NELL1: variants seen among roughly 807,000 people sequenced by gnomAD.
The protein encoded by NELL1 is neural EGFL like 1, also known as protein kinase C-binding protein NELL1.
Under a neutral mutation model 107.4 loss-of-function variants are expected in NELL1, and 76 were observed. The observed-to-expected ratio is 0.71, with a 90% confidence interval of 0.59 to 0.86. NELL1 has a LOEUF of 0.86. Ranked by LOEUF, NELL1 falls within the 40% of genes least tolerant of loss-of-function variation. The probability of loss-of-function intolerance (pLI) is 0.00; values close to 1 mark genes in which losing one functional copy is unlikely to be tolerated. For synonymous variants in NELL1, 353 were observed against 341.2 expected (o/e 1.03, Z -0.38); for missense variants, 1,024 against 1,005.5 (o/e 1.02, Z -0.25).
chr11:21,221,307 A>G (rs974766301), intron 13 of NELL1, among the ~76,000 whole-genome samples: 3 of 152,126 alleles, frequency 2.0e-5, no homozygotes, highest in Non-Finnish European at 2.9e-5. Flanking sequence ...GGATTTTTGC[A>G]TCTGTATTAA....
At chr11:21,099,275 A>G (rs1451402707) in intron 12 of NELL1, among the ~76,000 whole-genome samples, 1 of 151,890 alleles carries the variant, frequency 6.6e-6, no homozygotes, top group Non-Finnish European at 1.5e-5. Context: ...ATCCCATGGC[A>G]TAGTCCAAGG....
intron 12 of NELL1, among the ~76,000 whole-genome samples, chr11:20,969,666 G>A (rs57475293): frequency 0.17 from 25,302 of 150,738 alleles, 2,499 homozygotes; most frequent in East Asian, 0.25. Flanking sequence ...ATGTAGTAAA[G>A]AACAAAGCAA....
Position 21,173,481 on chromosome 11 carries a change from T to G in NELL1, c.1427-55851T>G, listed in dbSNP as rs190274095. 2.0e-5 allele frequency among the ~76,000 whole-genome samples: 3 copies of G among 151,998 alleles called. No individual in the cohort carries two copies. In the East Asian group the frequency reaches 5.8e-4, roughly 29 times the overall value. On this transcript the variant is annotated intron_variant, in intron 13 of 19. Coordinates refer to ENST00000357134, the MANE Select transcript of NELL1 (RefSeq NM_006157.5). ...TTTTTCTTTCCTATCAGAACACTCT[T>G]AAACTTTAATACCCACCTTTTTCAT...
At position 21,183,373 on chromosome 11, in the gene NELL1, A is replaced by G. The variant is rs553066664; in HGVS notation, c.1427-45959A>G. ...ACATTTAAATGTAGATTTTCTTTTA[A>G]AATTACTTTTACAGGTTTCAGAACA... On this transcript the variant is annotated intron_variant, in intron 13 of 19. Coordinates refer to ENST00000357134, the MANE Select transcript of NELL1 (RefSeq NM_006157.5). 1.5e-3 allele frequency among the ~76,000 whole-genome samples: 224 copies of G among 152,044 alleles called. 5 individuals are homozygous for G. The highest frequency in any genetic ancestry group is 5.3e-3 in the African/African-American group (219 of 41,296).
At chr11:20,977,747 C>A (rs1476921624) in intron 12 of NELL1, among the ~76,000 whole-genome samples, 7 of 152,168 alleles carry the variant, frequency 4.6e-5, no homozygotes, top group African/African-American at 1.7e-4. Flanking sequence ...ACCAGCCTTG[C>A]CTGGCACATA....
intron 15 of NELL1, among the ~76,000 whole-genome samples, chr11:21,410,339 A>C (rs1852345078): frequency 6.6e-6 from 1 of 152,038 alleles, no homozygotes; most frequent in South Asian, 2.1e-4. Flanking sequence ...TACATTGCCA[A>C]CTGAGGGAAT....
chr11:20,720,756 T>G (rs1045514863), intron 2 of NELL1, among the ~76,000 whole-genome samples: 4 of 152,100 alleles, frequency 2.6e-5, no homozygotes, highest in African/African-American at 9.7e-5. Flanking sequence ...TAAGTGGATC[T>G]CTATGTTCAA....
At chr11:20,995,428 A>G (rs1852068639) in intron 12 of NELL1, among the ~76,000 whole-genome samples, 2 of 151,994 alleles carry the variant, frequency 1.3e-5, no homozygotes, top group Non-Finnish European at 2.9e-5. Flanking sequence ...AATATAAAAA[A>G]TTAGCCGCAC....
intron 12 of NELL1, among the ~76,000 whole-genome samples, chr11:20,994,814 A>G (rs1239157703): frequency 6.6e-6 from 1 of 152,234 alleles, no homozygotes; most frequent in Non-Finnish European, 1.5e-5. Context: ...TTATATGAAA[A>G]TGAATTTTAA....
At chr11:21,528,777 G>A (rs2133964746) in intron 15 of NELL1, among the ~76,000 whole-genome samples, 2 of 152,190 alleles carry the variant, frequency 1.3e-5, no homozygotes, top group African/African-American at 4.8e-5. Context: ...AACAGAATCA[G>A]AATTCAAACT....
chr11:21,139,059 G>A (rs529141957), intron 13 of NELL1, among the ~76,000 whole-genome samples: 3 of 152,284 alleles, frequency 2.0e-5, no homozygotes, highest in African/African-American at 7.2e-5. Flanking sequence ...CAAAAGTTTG[G>A]TGTGTAATAA....
At chr11:20,744,388 A>ATCTC (rs1855956728) in intron 2 of NELL1, among the ~76,000 whole-genome samples, 1 of 152,250 alleles carries the variant, frequency 6.6e-6, no homozygotes, top group Non-Finnish European at 1.5e-5. Context: ...TCACTGTCTG[A>ATCTC]ACATGCTATA....
intron 4 of NELL1, among the ~76,000 whole-genome samples, chr11:20,868,841 C>T (rs984451817): frequency 2.6e-5 from 4 of 151,834 alleles, no homozygotes; most frequent in Admixed American, 1.3e-4. Flanking sequence ...GGCAAAAAGA[C>T]CTCACAAAGG....
At chr11:21,012,778 G>A (rs1852475556) in intron 12 of NELL1, among the ~76,000 whole-genome samples, 1 of 151,980 alleles carries the variant, frequency 6.6e-6, no homozygotes, top group Non-Finnish European at 1.5e-5. Flanking sequence ...CCTGGGTAGG[G>A]GCCACAAGAT....
chr11:20,704,158 T>C (rs1854875724), intron 2 of NELL1, among the ~76,000 whole-genome samples: 1 of 152,192 alleles, frequency 6.6e-6, no homozygotes, highest in African/African-American at 2.4e-5. Context: ...TGTAGGTCTC[T>C]AAGGTCTTGC....
chr11:21,372,405 C>G lies in NELL1; in HGVS notation c.1645+1457C>G, dbSNP rs531048059. ...ATGATGCCAATAATCATGAATACTA[C>G]TACTAATGATATGTCATTTATTTGC... On this transcript the variant is annotated intron_variant, in intron 15 of 19. Transcript: ENST00000357134. Among the ~76,000 whole-genome samples the G allele has an allele frequency of 3.9e-5, 6 of 151,998 alleles. No homozygotes were observed. The East Asian group carries it at 1.2e-3, about 29-fold the overall frequency.
intron 3 of NELL1, among the ~76,000 whole-genome samples, chr11:20,788,302 G>A (rs536810603): frequency 5.1e-4 from 77 of 152,198 alleles, no homozygotes; most frequent in Non-Finnish European, 1.0e-3. Context: ...TGACTACACT[G>A]TTTTACATTC....
chr11:20,973,055 C>T (rs1175161368), intron 12 of NELL1, among the ~76,000 whole-genome samples: 4 of 149,190 alleles, frequency 2.7e-5, no homozygotes, highest in Admixed American at 1.3e-4. Flanking sequence ...TCTAGTAGCA[C>T]TTTGTCAAAC....
At chr11:21,339,456 G>A (rs562105952) in intron 14 of NELL1, among the ~76,000 whole-genome samples, 5 of 152,310 alleles carry the variant, frequency 3.3e-5, no homozygotes, top group African/African-American at 1.2e-4. Context: ...ATGAATTTCT[G>A]TTGTTTAAGA....
Sources: gnomAD v4.1 joint callset for allele counts (sites outside exome capture counted in the v4.1 genomes callset) on GRCh38, gnomAD v4.1.1 for gene constraint, MANE v1.5 for transcripts, NCBI Gene and HGNC (gene_info 2026-07-23, HGNC 2026-07-21) for gene names.